USH2A: variants seen among roughly 807,000 people sequenced by gnomAD.
USH2A encodes usherin, also known as Usher syndrome 2A (autosomal recessive, mild).
Under a neutral mutation model 538.9 loss-of-function variants are expected in USH2A, and 443 were observed. That is an observed-to-expected ratio of 0.82 (90% CI 0.76 to 0.89). The LOEUF is 0.89. Among genes scored for constraint, USH2A ranks in the 40% least tolerant of loss-of-function variants. The pLI is 0.00. For synonymous variants in USH2A, 2,413 were observed against 2,273.5 expected, an observed-to-expected ratio of 1.06 and a Z score of -1.75; for missense variants, 6,633 against 6,324.8, an observed-to-expected ratio of 1.05 and a Z score of -1.65.
chr1:215,673,877 ACT>A (rs1431286597), intron 63 of USH2A, among the ~76,000 whole-genome samples: 1 of 152,032 alleles, frequency 6.6e-6, no homozygotes, highest in East Asian at 1.9e-4. Context: ...TGAAACACTG[ACT>A]CTCAAAACAT....
At position 216,247,212 on chromosome 1, in the gene USH2A, G is replaced by A. The variant is rs2036069972; in HGVS notation, c.2182C>T (p.His728Tyr). 1 of 1,613,844 alleles carries A rather than the reference G, an allele frequency of 6.2e-7. No individual in the cohort carries two copies. Among genetic ancestry groups the A allele is most frequent in the Non-Finnish European group, 8.5e-7 (1 of 1,179,864 alleles). The change falls in exon 13 of 72, where the codon CAT becomes TAT. Residue 728 changes from histidine to tyrosine, a missense_variant. Transcript: ENST00000307340. ...AGAAATTTAAATCCAAAATTGCAATGATCACACCTAAGCCCTAAAGATAAA... is the reference window on the plus strand; with the variant it reads ...AGAAATTTAAATCCAAAATTGCAATAATCACACCTAAGCCCTAAAGATAAA... ...KANVIGLRCDHCNFGFKFLRS... is the reference protein window; with the variant it reads ...KANVIGLRCDYCNFGFKFLRS...
chr1:215,649,081 A>C (rs1385171576), intron 65 of USH2A, among the ~76,000 whole-genome samples: 1 of 152,194 alleles, frequency 6.6e-6, no homozygotes, highest in African/African-American at 2.4e-5. Context: ...GAACACACAA[A>C]GTGTTGATCA....
Position 215,674,489 on chromosome 1 carries a change from G to C in USH2A, c.13422C>G (p.Ile4474Met), listed in dbSNP as rs1453273341. Reference sequence around the variant, plus strand: ...CATCCCTCCTAAGTTCATAACTTCTGATCTGGCCATTTGGGTTTCTTGGAG... The same window carrying C: ...CATCCCTCCTAAGTTCATAACTTCTCATCTGGCCATTTGGGTTTCTTGGAG... ...WKPPRNPNGQIRSYELRRDGT... is the reference protein window; with the variant it reads ...WKPPRNPNGQMRSYELRRDGT... The change falls in exon 63 of 72, where the codon ATC becomes ATG. Residue 4474 changes from isoleucine (I) to methionine (M), a missense_variant. Transcript: ENST00000307340. 1.2e-6 allele frequency: 2 copies of C among 1,614,022 alleles called. No homozygotes were observed. The highest frequency in any genetic ancestry group is 1.7e-5 in the Admixed American group (1 of 60,010).
intron 70 of USH2A, among the ~76,000 whole-genome samples, chr1:215,629,715 G>A (rs1285092796): frequency 6.6e-6 from 1 of 151,384 alleles, no homozygotes; most frequent in Non-Finnish European, 1.5e-5. Context: ...CTAAATATCT[G>A]AGGGCTCTGA....
intron 4 of USH2A, among the ~76,000 whole-genome samples, chr1:216,348,846 G>T (rs1232955682): frequency 6.6e-6 from 1 of 151,814 alleles, no homozygotes. Flanking sequence ...ACCACCAAGT[G>T]ATCTCTGACT....
chr1:216,418,222 A>G (rs1050789531), intron 3 of USH2A, among the ~76,000 whole-genome samples: 2 of 152,156 alleles, frequency 1.3e-5, no homozygotes, highest in African/African-American at 4.8e-5. Flanking sequence ...ACAAAATAGA[A>G]TATACGAACC....
At chr1:216,005,055 A>T (rs531362823) in intron 32 of USH2A, among the ~76,000 whole-genome samples, 3 of 152,298 alleles carry the variant, frequency 2.0e-5, no homozygotes, top group African/African-American at 7.2e-5. Context: ...TTCTGCTCTT[A>T]GAACGAAATC....
chr1:215,626,007 T>C, intron 71 of USH2A, 137 bp from the exon 72 acceptor site: 1 of 812,064 alleles, frequency 1.2e-6, no homozygotes, highest in South Asian at 1.5e-5. Flanking sequence ...TGGTGGGGTC[T>C]AAAACAGACC....
intron 38 of USH2A, among the ~76,000 whole-genome samples, chr1:215,909,013 C>G (rs914928904): frequency 2.7e-5 from 4 of 148,988 alleles, no homozygotes; most frequent in Admixed American, 2.0e-4. Flanking sequence ...ACAAGTATAT[C>G]ATTAAATATA....
At chr1:215,755,365 C>CT (rs1159812251) in intron 58 of USH2A, among the ~76,000 whole-genome samples, 1 of 152,102 alleles carries the variant, frequency 6.6e-6, no homozygotes, top group Non-Finnish European at 1.5e-5. Flanking sequence ...CTAGAAAACT[C>CT]TTTATATTGT....
intron 16 of USH2A, among the ~76,000 whole-genome samples, chr1:216,205,562 G>A (rs576144037): frequency 5.4e-4 from 82 of 152,234 alleles, no homozygotes; most frequent in African/African-American, 6.7e-4. Flanking sequence ...AACTCTATGC[G>A]ATGCAGGAGT....
At chr1:215,862,412 C>T (rs1036453707) in intron 44 of USH2A, among the ~76,000 whole-genome samples, 2 of 145,054 alleles carry the variant, frequency 1.4e-5, no homozygotes, top group Non-Finnish European at 3.0e-5. Flanking sequence ...CGGGGCCTGT[C>T]GTGGGGTGGG....
At chr1:215,924,434 C>T (rs1666181706) in intron 38 of USH2A, among the ~76,000 whole-genome samples, 1 of 151,894 alleles carries the variant, frequency 6.6e-6, no homozygotes. Flanking sequence ...TTTATATAGG[C>T]AGGTAAATGT....
chr1:215,685,547 G>A (rs1024313463), intron 61 of USH2A, among the ~76,000 whole-genome samples: 2 of 151,838 alleles, frequency 1.3e-5, no homozygotes, highest in African/African-American at 2.4e-5. Flanking sequence ...AAGTAGAGAC[G>A]GGGTTTCACC....
intron 22 of USH2A, 83 bp from the exon 23 acceptor site, chr1:216,089,222 A>C: frequency 7.0e-7 from 1 of 1,438,080 alleles, no homozygotes; most frequent in Non-Finnish European, 9.7e-7. Flanking sequence ...AAACCAATTT[A>C]CAAGTTTCAA....
At chr1:215,706,462 A>C (rs532216631) in intron 61 of USH2A, among the ~76,000 whole-genome samples, 1 of 152,336 alleles carries the variant, frequency 6.6e-6, no homozygotes, top group Non-Finnish European at 1.5e-5. Context: ...CAGGAAAAGT[A>C]GACATTATGA....
intron 49 of USH2A, among the ~76,000 whole-genome samples, chr1:215,804,079 A>T (rs1488842366): frequency 6.6e-6 from 1 of 152,230 alleles, no homozygotes; most frequent in Admixed American, 6.5e-5. Flanking sequence ...CTGGCTAGCC[A>T]TATGTAGAAA....
At chr1:216,021,037 G>C (rs895618503) in intron 32 of USH2A, among the ~76,000 whole-genome samples, 1 of 152,066 alleles carries the variant, frequency 6.6e-6, no homozygotes, top group Non-Finnish European at 1.5e-5. Flanking sequence ...TTGTGGGACT[G>C]GGCTCTTAAA....
intron 4 of USH2A, among the ~76,000 whole-genome samples, chr1:216,333,983 T>C (rs375308612): frequency 6.6e-6 from 1 of 152,078 alleles, no homozygotes. Context: ...GCTGATATGA[T>C]AGGATATTAG....
Sources: allele counts gnomAD v4.1 joint callset (sites outside exome capture counted in the v4.1 genomes callset), GRCh38; gene constraint gnomAD v4.1.1; transcripts MANE v1.5; gene names NCBI Gene and HGNC (gene_info 2026-07-23, HGNC 2026-07-21).